PCDHGA1: variants seen among roughly 807,000 people sequenced by gnomAD.
PCDHGA1 encodes protocadherin gamma subfamily A, 1, also known as protocadherin gamma-A1.
A neutral mutation model predicts 58.0 loss-of-function variants in PCDHGA1; 32 were observed. That is an observed-to-expected ratio of 0.55 (90% confidence interval 0.42 to 0.74). The LOEUF (loss-of-function observed/expected upper bound fraction) is 0.74, where lower values mean the gene tolerates loss of function less well. Among genes scored for constraint, PCDHGA1 ranks in the 30% least tolerant of loss-of-function variants. The pLI, the probability that PCDHGA1 is intolerant of heterozygous loss-of-function variation, is 0.00. For synonymous variants in PCDHGA1, 498 were observed against 501.1 expected (o/e 0.99, Z 0.08); for missense variants, 1,205 against 1,182.3 (o/e 1.02, Z -0.28).
At chr5:141,370,286 A>G in intron 1 of PCDHGA1, 1 of 968,422 alleles carries the variant, frequency 1.0e-6, no homozygotes, top group Admixed American at 2.9e-5. Context: ...CCATTAGAGA[A>G]CCCAAGCACA....
At chr5:141,457,098 T>G (rs1179930043) in intron 1 of PCDHGA1, among the ~76,000 whole-genome samples, 1 of 152,242 alleles carries the variant, frequency 6.6e-6, no homozygotes, top group Non-Finnish European at 1.5e-5. Flanking sequence ...AGGATACTAA[T>G]TAAGCAAAAT....
At position 141,385,031 on chromosome 5, in the gene PCDHGA1, T is replaced by C; in HGVS notation, c.2421+51926T>C. The C allele has an allele frequency of 1.9e-6, 3 of 1,614,190 alleles. No individual in the cohort carries two copies. The African/African-American group carries it at 4.0e-5, about 21-fold the overall frequency. The stretch of plus-strand genomic sequence containing the variant: ...GTCTTCCTAGCCTTCGTCCTCGTAC[T>C]GCTGGCGCTCAGGCTGCGGCGCTGG... On this transcript the variant is annotated intron_variant, in intron 1 of 3. Coordinates refer to ENST00000517417, the MANE Select transcript of PCDHGA1 (RefSeq NM_018912.3).
At chr5:141,475,059 G>T (rs2099358742) in intron 1 of PCDHGA1, among the ~76,000 whole-genome samples, 1 of 152,180 alleles carries the variant, frequency 6.6e-6, no homozygotes, top group South Asian at 2.1e-4. Flanking sequence ...AAAGATTTGT[G>T]GAGCTTTGCT....
rs914637211 is a variant in PCDHGA1, at chr5:141,422,245, G to C, written c.2422-72562G>C. The C allele has an allele frequency of 2.2e-5, 34 of 1,566,540 alleles. No individual in the cohort carries two copies. Among genetic ancestry groups the C allele is most frequent in the Non-Finnish European group, 2.8e-5 (32 of 1,162,588 alleles). On this transcript the variant is annotated intron_variant, in intron 1 of 3. Coordinates refer to ENST00000517417, the MANE Select transcript of PCDHGA1 (RefSeq NM_018912.3). ...CACGACGATGTTGATCACTGTTGTG[G>C]ATGTGAATGATAACGCTCCAGAAAT...
rs1383090266 is a variant in PCDHGA1, at chr5:141,388,828, T to C, written c.2421+55723T>C. 6.2e-7 allele frequency: 1 copy of C among 1,613,894 alleles called. No homozygotes were observed. Among genetic ancestry groups the C allele is most frequent in the South Asian group, 1.1e-5 (1 of 91,070 alleles). ...TTTGAAGAAGTCAAAGAATATTCCA[T>C]AGTTTTGGAAGCAAGGGACGGTGGA... On this transcript the variant is annotated intron_variant, in intron 1 of 3. Coordinates refer to ENST00000517417, the MANE Select transcript of PCDHGA1 (RefSeq NM_018912.3).
In PCDHGA1 at chr5:141,485,079, A is replaced by C; in HGVS notation, c.2422-9728A>C. ...AACCGCGCCAGAGCTGGCGCGGGGA[A>C]AGGGAGATAGGTGTCTCCAGCTGCT... is the stretch of plus-strand genomic sequence containing the variant. On this transcript the variant is annotated intron_variant, in intron 1 of 3. Transcript: ENST00000517417. This position sits in a 1 kb window ranked among gnomAD's most constrained non-coding sequence, Gnocchi z 5.7. 1 of 949,456 alleles carries C rather than the reference A, an allele frequency of 1.1e-6. No individual in the cohort carries two copies. The highest frequency in any genetic ancestry group is 1.6e-6 in the Non-Finnish European group (1 of 614,758). 58.8% of individuals were successfully genotyped at this position (949,456 alleles called of 1,614,324 possible).
In PCDHGA1 at chr5:141,332,062, T is replaced by G. The variant is rs778977536; in HGVS notation, c.1378T>G (p.Tyr460Asp). 1 of 1,614,136 alleles carries G rather than the reference T, an allele frequency of 6.2e-7. No individual in the cohort carries two copies. The highest frequency in any genetic ancestry group is 8.5e-7 in the Non-Finnish European group (1 of 1,180,022). Residue 460 changes from tyrosine to aspartate, a missense_variant, in exon 1 of 4, where the codon TAC becomes GAC. By Grantham distance (160) the Tyr-to-Asp change is radical. Coordinates refer to ENST00000517417, the MANE Select transcript of PCDHGA1 (RefSeq NM_018912.3). The surrounding 1 kb of genome is among the most constrained non-coding windows in gnomAD (Gnocchi z 4.6). ...CTTCCATCAGGACTCCTACTCTGCC[T>G]ACATTCCCGAAAACAACCCCAGAGG... ...PVFHQDSYSA[Y>D]IPENNPRGAS... is the part of the protein sequence containing the mutation.
intron 1 of PCDHGA1, chr5:141,361,696 G>T: frequency 6.2e-7 from 1 of 1,613,466 alleles, no homozygotes. Flanking sequence ...GCGCGCCTTC[G>T]ATCATGAGCA....
chr5:141,376,190 G>A (rs759357506), intron 1 of PCDHGA1: 9 of 1,614,116 alleles, frequency 5.6e-6, no homozygotes, highest in Admixed American at 1.7e-5. Flanking sequence ...GGTCTCCTGC[G>A]TCTTCCTGGC....
intron 2 of PCDHGA1, among the ~76,000 whole-genome samples, chr5:141,495,279 G>C (rs72790069): frequency 0.027 from 4,092 of 152,256 alleles, 88 homozygotes; most frequent in Middle Eastern, 0.048. Flanking sequence ...CGGAGGAGGC[G>C]GTCCGCACTC....
intron 1 of PCDHGA1, chr5:141,388,092 T>C: frequency 8.7e-6 from 12 of 1,373,060 alleles, no homozygotes; most frequent in Non-Finnish European, 1.2e-5. Flanking sequence ...GCGCGTCAGT[T>C]CGGAGAAGCC....
intron 1 of PCDHGA1, chr5:141,371,301 A>T (rs199851082): frequency 6.2e-7 from 1 of 1,613,990 alleles, no homozygotes. Flanking sequence ...GGAACTCACC[A>T]CTATTGGAGA....
chr5:141,335,361 C>CA (rs1193097918), intron 1 of PCDHGA1, among the ~76,000 whole-genome samples: 2 of 151,542 alleles, frequency 1.3e-5, no homozygotes, highest in African/African-American at 4.9e-5. Flanking sequence ...TGTACACACA[C>CA]AAAAAAGAAA....
chr5:141,346,205 G>A (rs1757712642), intron 1 of PCDHGA1: 1 of 1,614,138 alleles, frequency 6.2e-7, no homozygotes. Flanking sequence ...AGTCACGCCT[G>A]CTGCAGGCTT....
rs187177915 is a variant in PCDHGA1 at position 141,472,338 on chromosome 5, G to A, written c.2422-22469G>A. ...AGGCAGATCACGAGGTTGGGAGATC[G>A]AGACCATCCTGGCTAACACGGTGAA... On this transcript the variant is annotated intron_variant, in intron 1 of 3. Transcript: ENST00000517417. Among the ~76,000 whole-genome samples, 23 of 151,526 alleles carry A rather than the reference G, an allele frequency of 1.5e-4. No homozygotes were observed. The East Asian group carries it at 3.2e-3, about 21-fold the overall frequency.
intron 1 of PCDHGA1, chr5:141,365,283 A>C: frequency 6.2e-7 from 1 of 1,614,010 alleles, no homozygotes; most frequent in East Asian, 2.2e-5. Context: ...TACCTCATGG[A>C]AGTGGTAGCT....
chr5:141,343,178 C>A, intron 1 of PCDHGA1: 1 of 484,858 alleles, frequency 2.1e-6, no homozygotes, highest in Non-Finnish European at 2.7e-6. Context: ...CACCTTAAAT[C>A]CCCAAACATA....
chr5:141,370,888 A>G, intron 1 of PCDHGA1: 1 of 1,614,036 alleles, frequency 6.2e-7, no homozygotes, highest in Non-Finnish European at 8.5e-7. Context: ...GTAGGTGTCA[A>G]TTCGCTGCAG....
At chr5:141,384,644 C>A (rs757384812) in intron 1 of PCDHGA1, 2 of 1,614,116 alleles carry the variant, frequency 1.2e-6, no homozygotes, top group African/African-American at 1.3e-5. Context: ...CCCCGCTCCG[C>A]AGAGCCCGGC....
Sources: gnomAD v4.1 joint callset for allele counts (sites outside exome capture counted in the v4.1 genomes callset) on GRCh38, gnomAD v4.1.1 for gene constraint, Gnocchi (gnomAD v3.1) non-coding constraint, MANE v1.5 for transcripts, NCBI Gene and HGNC (gene_info 2026-07-23, HGNC 2026-07-21) for gene names.